The following ADAMTS12 variants were observed in gnomAD, a reference collection of about 807,000 sequenced individuals.
ADAMTS12 encodes ADAM metallopeptidase with thrombospondin type 1 motif 12.
ADAMTS12 carries 118 observed loss-of-function variants against 167.8 expected under a neutral mutation model. The observed-to-expected ratio is 0.70, with a 90% confidence interval of 0.61 to 0.82. The LOEUF (loss-of-function observed/expected upper bound fraction) is 0.82, where lower values mean the gene tolerates loss of function less well. Among genes scored for constraint, ADAMTS12 ranks in the 40% least tolerant of loss-of-function variants. The pLI, the probability that ADAMTS12 is intolerant of heterozygous loss-of-function variation, is 0.00. For synonymous variants in ADAMTS12, 704 were observed against 716.9 expected (o/e 0.98, Z 0.29); for missense variants, 1,916 against 1,998.8 (o/e 0.96, Z 0.79).
At chr5:33,555,411 TAA>T (rs967866250) in intron 20 of ADAMTS12, among the ~76,000 whole-genome samples, 4 of 152,220 alleles carry the variant, frequency 2.6e-5, no homozygotes, top group African/African-American at 9.6e-5. Flanking sequence ...CAAGCCGGGC[TAA>T]GTTTTTTTGT....
intron 1 of ADAMTS12, among the ~76,000 whole-genome samples, chr5:33,886,201 A>C (rs1750631091): frequency 1.3e-5 from 2 of 152,344 alleles, no homozygotes; most frequent in Admixed American, 1.3e-4. Context: ...ATAAAAGAGC[A>C]AACAAATTTA....
intron 2 of ADAMTS12, among the ~76,000 whole-genome samples, chr5:33,851,902 GCA>G (rs369828145): frequency 6.6e-6 from 1 of 151,806 alleles, no homozygotes; most frequent in Admixed American, 6.6e-5. Context: ...GCATGTGCAA[GCA>G]CACACACACA....
intron 13 of ADAMTS12, among the ~76,000 whole-genome samples, chr5:33,627,534 G>A (rs898309653): frequency 6.6e-6 from 1 of 151,944 alleles, no homozygotes; most frequent in African/African-American, 2.4e-5. Context: ...GGTATAGTGA[G>A]TAATTAACTG....
chr5:33,883,327 G>GTTTTTTTTTTTTTTT (rs79064946), intron 1 of ADAMTS12, among the ~76,000 whole-genome samples: 21 of 111,594 alleles, frequency 1.9e-4, no homozygotes, highest in Non-Finnish European at 3.0e-4. Context: ...TTTTTTTTTT[G>GTTTTTTTTTTTTTTT]TTTTTTTTTT....
chr5:33,821,798 A>G (rs1359335540), intron 2 of ADAMTS12, among the ~76,000 whole-genome samples: 1 of 152,316 alleles, frequency 6.6e-6, no homozygotes, highest in East Asian at 1.9e-4. Context: ...TACAGATGTT[A>G]ATTACCCAAC....
intron 2 of ADAMTS12, among the ~76,000 whole-genome samples, chr5:33,863,983 G>GGGAAAACTGGCTAGCCATATGC (rs1749718361): frequency 6.6e-6 from 1 of 152,136 alleles, no homozygotes; most frequent in Non-Finnish European, 1.5e-5. Context: ...AAATGGTGTT[G>GGGAAAACTGGCTAGCCATATGC]GGAAAACTGG....
chr5:33,553,089 ACG>A (rs2111848950), intron 20 of ADAMTS12, among the ~76,000 whole-genome samples: 1 of 152,344 alleles, frequency 6.6e-6, no homozygotes, highest in African/African-American at 2.4e-5. Flanking sequence ...AAAGACATAC[ACG>A]CGGTCAACAA....
At chr5:33,640,677 C>A (rs540613468) in intron 11 of ADAMTS12, among the ~76,000 whole-genome samples, 2 of 152,016 alleles carry the variant, frequency 1.3e-5, no homozygotes, top group South Asian at 2.1e-4. Flanking sequence ...TGAAGAATTT[C>A]CAAATGCATG....
At position 33,683,021 on chromosome 5, in the gene ADAMTS12, T is replaced by C; in HGVS notation, c.912A>G (p.Glu304=). Residue 304 remains glutamate, a synonymous_variant, in exon 5 of 24, where the codon GAA becomes GAG. Coordinates refer to ENST00000504830, the MANE Select transcript of ADAMTS12 (RefSeq NM_030955.4). ...GAGTGAAGGGAAAAAATGTTACCTC[T>C]TCTTCTTCGAGTAGAATGAGCCGAA... ...VVVRLILLEE[E]EQGLKIVHHA... 1 of 1,612,118 alleles carries C rather than the reference T, an allele frequency of 6.2e-7. No homozygotes were observed. The highest frequency in any genetic ancestry group is 8.5e-7 in the Non-Finnish European group (1 of 1,179,102).
In ADAMTS12 at chr5:33,523,712, T is replaced by A. The variant is rs1044868717; in HGVS notation, c.*3476A>T. On this transcript the variant is annotated 3_prime_UTR_variant, in exon 24 of 24. Transcript: ENST00000504830. Reference sequence around the variant, plus strand: ...GGGCCGTGTATGTCATACAATTATTTTGGAGGACAATGATGGGTAGGATTG... The same window carrying A: ...GGGCCGTGTATGTCATACAATTATTATGGAGGACAATGATGGGTAGGATTG... 1 of 152,174 alleles carries A rather than the reference T, an allele frequency of 6.6e-6. No individual in the cohort carries two copies. The highest frequency in any genetic ancestry group is 1.5e-5 in the Non-Finnish European group (1 of 68,028). The allele number at this position is 152,174 out of a possible 1,614,324, so 9.4% of individuals were successfully genotyped here. A position where few individuals can be genotyped will look rare whatever the true frequency, so the allele number is the denominator to read the frequency against.
intron 23 of ADAMTS12, among the ~76,000 whole-genome samples, chr5:33,532,723 G>A (rs1413346929): frequency 6.6e-6 from 1 of 152,054 alleles, no homozygotes; most frequent in Non-Finnish European, 1.5e-5. Context: ...TAGATTTTAA[G>A]TCATTAAAAC....
chr5:33,680,526 T>C (rs993740633), intron 5 of ADAMTS12, among the ~76,000 whole-genome samples: 5 of 151,674 alleles, frequency 3.3e-5, no homozygotes, highest in Non-Finnish European at 7.4e-5. Context: ...TTTTTTGGTC[T>C]GAAAATGCTA....
chr5:33,800,115 G>T (rs933194265), intron 2 of ADAMTS12, among the ~76,000 whole-genome samples: 2 of 152,116 alleles, frequency 1.3e-5, no homozygotes, highest in African/African-American at 4.8e-5. Context: ...AAATACAAAC[G>T]CAGTTCTAAC....
Position 33,723,457 on chromosome 5 carries a change from T to A in ADAMTS12, c.634+27947A>T, listed in dbSNP as rs1437589858. ...ATGTGCATAGATCTCTTCCATCCCATAATAACTGAGCTTGGCCTCATGGTT... is the reference window on the plus strand; with the variant it reads ...ATGTGCATAGATCTCTTCCATCCCAAAATAACTGAGCTTGGCCTCATGGTT... On this transcript the variant is annotated intron_variant, in intron 3 of 23. Transcript: ENST00000504830. 2.0e-5 allele frequency among the ~76,000 whole-genome samples: 3 copies of A among 152,164 alleles called. No homozygotes were observed. The East Asian group carries it at 5.8e-4, about 29-fold the overall frequency.
At chr5:33,549,481 A>C in intron 20 of ADAMTS12, 98 bp from the exon 21 acceptor site, 1 of 1,429,616 alleles carries the variant, frequency 7.0e-7, no homozygotes, top group Non-Finnish European at 9.6e-7. Flanking sequence ...TTCAGTCATA[A>C]AGAGGGGTTA....
At chr5:33,722,943 A>G (rs935828840) in intron 3 of ADAMTS12, among the ~76,000 whole-genome samples, 2 of 152,322 alleles carry the variant, frequency 1.3e-5, no homozygotes, top group Middle Eastern at 3.4e-3. Context: ...GAAGCAAGGA[A>G]GGAAGGAGAA....
intron 21 of ADAMTS12, among the ~76,000 whole-genome samples, chr5:33,548,545 G>A (rs1745095312): frequency 6.6e-6 from 1 of 152,110 alleles, no homozygotes; most frequent in South Asian, 2.1e-4. Flanking sequence ...ATTTGTGGAT[G>A]TAGTTGGGAG....
At chr5:33,755,111 G>A (rs1745123807) in intron 2 of ADAMTS12, among the ~76,000 whole-genome samples, 1 of 152,122 alleles carries the variant, frequency 6.6e-6, no homozygotes, top group Non-Finnish European at 1.5e-5. Context: ...CAATGATCCT[G>A]ATTTCCAACA....
chr5:33,860,459 G>C (rs1749567661), intron 2 of ADAMTS12, among the ~76,000 whole-genome samples: 2 of 152,034 alleles, frequency 1.3e-5, no homozygotes, highest in Admixed American at 6.6e-5. Context: ...GACAAGATGA[G>C]AGAAAAAAAG....
Sources: gnomAD v4.1 joint callset for allele counts (sites outside exome capture counted in the v4.1 genomes callset) on GRCh38, gnomAD v4.1.1 for gene constraint, MANE v1.5 for transcripts, NCBI Gene and HGNC (gene_info 2026-07-23, HGNC 2026-07-21) for gene names.